Variants in HYAL4 observed in about 807,000 individuals in gnomAD.
The protein encoded by HYAL4 is hyaluronidase 4, also known as hyaluronidase-4.
In HYAL4, 37 loss-of-function variants were observed where a neutral mutation model predicts 35.2. That is an observed-to-expected ratio of 1.05 (90% CI 0.81 to 1.38). HYAL4 has a LOEUF of 1.38. HYAL4 is among the 40% of genes most tolerant of loss of function. The pLI is 0.00. For synonymous variants in HYAL4, 198 were observed against 203.2 expected (o/e 0.97, Z 0.22); for missense variants, 572 against 572.4 (o/e 1.00, Z 0.01).
the HYAL4 span, among the ~76,000 whole-genome samples, chr7:123,772,503 C>T: frequency 6.6e-6 from 1 of 152,126 alleles, no homozygotes; most frequent in South Asian, 2.1e-4. Context: ...ACAGGATTTC[C>T]AACCATTGAA....
At chr7:123,801,000 A>G in the HYAL4 span, among the ~76,000 whole-genome samples, 1 of 152,112 alleles carries the variant, frequency 6.6e-6, no homozygotes, top group Non-Finnish European at 1.5e-5. Flanking sequence ...TATTTGGTAC[A>G]TGAAATCACT....
chr7:123,810,263 A>C, the HYAL4 span, among the ~76,000 whole-genome samples: 1 of 152,256 alleles, frequency 6.6e-6, no homozygotes, highest in East Asian at 1.9e-4. Context: ...TTTAAAGCTG[A>C]CTTTCTTCTT....
chr7:123,811,471 G>C, the HYAL4 span, among the ~76,000 whole-genome samples: 1 of 152,094 alleles, frequency 6.6e-6, no homozygotes, highest in African/African-American at 2.4e-5. Context: ...TTTCATATCT[G>C]TATATCTTCT....
chr7:123,783,929 T>G, the HYAL4 span, among the ~76,000 whole-genome samples: 1 of 152,184 alleles, frequency 6.6e-6, no homozygotes. Context: ...AAAATAGCTT[T>G]TGGTCACTCC....
chr7:123,877,029 A>T lies in HYAL4; in HGVS notation c.1320A>T (p.Gly440=), dbSNP rs200779440. ...ADTFSCHCYQ[G]YEGADCREIK... is the part of the protein sequence containing the mutation. The stretch of plus-strand genomic sequence containing the variant: ...CATTTTCCTGTCATTGTTATCAGGG[A>T]TATGAAGGAGCTGATTGCAGAGAAA... The change falls in exon 5 of 5, where the codon GGA becomes GGT. Residue 440 remains glycine (G), a synonymous_variant. Transcript: ENST00000223026. 2.3e-5 allele frequency: 37 copies of T among 1,614,196 alleles called. No homozygotes were observed. The highest frequency in any genetic ancestry group is 3.1e-5 in the Non-Finnish European group (37 of 1,180,034).
intron 4 of HYAL4, chr7:123,875,927 A>G (rs1444976468): frequency 1.9e-5 from 8 of 424,580 alleles, no homozygotes; most frequent in Admixed American, 1.1e-4. Context: ...CACAGTCTCA[A>G]TTTGTTGCTA....
chr7:123,822,499 C>A, the HYAL4 span, among the ~76,000 whole-genome samples: 4 of 152,228 alleles, frequency 2.6e-5, no homozygotes, highest in African/African-American at 9.6e-5. Context: ...TTGTATCCTG[C>A]AACCTTACTG....
At chr7:123,787,022 C>T in the HYAL4 span, among the ~76,000 whole-genome samples, 1 of 148,732 alleles carries the variant, frequency 6.7e-6, no homozygotes, top group Non-Finnish European at 1.5e-5. Context: ...GCAGGAGAAT[C>T]GCTTGAACCA....
chr7:123,865,624 C>A (rs1190905737), intron 2 of HYAL4, among the ~76,000 whole-genome samples: 1 of 152,094 alleles, frequency 6.6e-6, no homozygotes, highest in Non-Finnish European at 1.5e-5. Flanking sequence ...TCTTAAATGT[C>A]TTTGGAGGAA....
chr7:123,870,827 C>G (rs1806861562), intron 3 of HYAL4, among the ~76,000 whole-genome samples: 1 of 151,400 alleles, frequency 6.6e-6, no homozygotes, highest in Non-Finnish European at 1.5e-5. Context: ...GGAATGGAAT[C>G]AAAATTTAAA....
chr7:123,825,306 T>C (rs1805789807), upstream of HYAL4, among the ~76,000 whole-genome samples: 1 of 152,100 alleles, frequency 6.6e-6, no homozygotes, highest in Admixed American at 6.6e-5. Flanking sequence ...ATAGACAAAA[T>C]TCTCTTTTAG....
chr7:123,856,906 G>A (rs990197454), intron 2 of HYAL4, among the ~76,000 whole-genome samples: 3 of 152,160 alleles, frequency 2.0e-5, no homozygotes, highest in African/African-American at 7.2e-5. Flanking sequence ...ATCTAGAGAG[G>A]CAGTTTGGCT....
chr7:123,853,959 G>T (rs920165089), intron 2 of HYAL4, among the ~76,000 whole-genome samples: 1 of 151,970 alleles, frequency 6.6e-6, no homozygotes, highest in Non-Finnish European at 1.5e-5. Context: ...GTCTTGGGAG[G>T]GTGTATGTTT....
intron 2 of HYAL4, among the ~76,000 whole-genome samples, chr7:123,862,728 G>C (rs1806601842): frequency 6.6e-6 from 1 of 152,088 alleles, no homozygotes; most frequent in Non-Finnish European, 1.5e-5. Flanking sequence ...TTAGATTATT[G>C]CAAGAGCTTT....
chr7:123,810,196 T>A, the HYAL4 span, among the ~76,000 whole-genome samples: 1 of 152,182 alleles, frequency 6.6e-6, no homozygotes. Context: ...TGGGTATCAG[T>A]GGCTGCAAGA....
At chr7:123,779,903 A>C in the HYAL4 span, among the ~76,000 whole-genome samples, 1 of 152,150 alleles carries the variant, frequency 6.6e-6, no homozygotes, top group African/African-American at 2.4e-5. Context: ...AAGTTTGCAA[A>C]TTAAAAAAAT....
At chr7:123,797,600 C>G in the HYAL4 span, among the ~76,000 whole-genome samples, 2 of 152,170 alleles carry the variant, frequency 1.3e-5, no homozygotes, top group Non-Finnish European at 2.9e-5. Flanking sequence ...AAAAAGGGCC[C>G]CTGTTGGCCT....
rs1283770130 is a variant in HYAL4 at position 123,857,669 on chromosome 7, G to GTTTGTTTGTTTC, written c.-52+9514_-52+9515insGTTTGTTTCTTT. ...CCTTTCTTTGTTTCTTTCTTTGTTT[G>GTTTGTTTGTTTC]TTTCTTTCTTTCTTTCTTTCTTTCT... On this transcript the variant is annotated intron_variant, in intron 2 of 4. Coordinates refer to ENST00000223026, the MANE Select transcript of HYAL4 (RefSeq NM_012269.3). 4.6e-3 allele frequency among the ~76,000 whole-genome samples: 571 copies of GTTTGTTTGTTTC among 124,632 alleles called. 5 individuals carry two copies. The highest frequency in any genetic ancestry group is 8.5e-3 in the Middle Eastern group (2 of 236). 81.8% of individuals were successfully genotyped at this position (124,632 alleles called of 152,430 possible).
chr7:123,776,615 G>A, the HYAL4 span, among the ~76,000 whole-genome samples: 1 of 152,016 alleles, frequency 6.6e-6, no homozygotes, highest in African/African-American at 2.4e-5. Context: ...ATGTTGTTTC[G>A]CTATGTTGCA....
Sources: allele counts gnomAD v4.1 joint callset (sites outside exome capture counted in the v4.1 genomes callset), GRCh38; gene constraint gnomAD v4.1.1; transcripts MANE v1.5; gene names NCBI Gene and HGNC (gene_info 2026-07-23, HGNC 2026-07-21).